Variants in PTN observed in about 807,000 individuals in gnomAD.
PTN encodes the protein pleiotrophin.
Under a neutral mutation model 24.1 loss-of-function variants are expected in PTN, and 18 were observed. The ratio of observed to expected loss-of-function variants is 0.75; its 90% CI spans 0.52 to 1.11. The LOEUF is 1.11. Ranked by LOEUF, PTN falls within the 50% of genes least tolerant of loss-of-function variation. PTN has a pLI of 0.00. For synonymous variants in PTN, 78 were observed against 68.6 expected (o/e 1.14, Z -0.67); for missense variants, 163 against 198.8 (o/e 0.82, Z 1.08).
chr7:137,341,772 A>G (rs942594782), intron 1 of PTN, among the ~76,000 whole-genome samples: 2 of 152,284 alleles, frequency 1.3e-5, no homozygotes, highest in Non-Finnish European at 1.5e-5. Flanking sequence ...CAGAAAAAAG[A>G]TCACCTTCTA....
At chr7:137,311,379 T>A (rs1809980318) in intron 1 of PTN, among the ~76,000 whole-genome samples, 1 of 152,228 alleles carries the variant, frequency 6.6e-6, no homozygotes, top group Admixed American at 6.5e-5. Context: ...ATTTTGCTTT[T>A]ATTCGTGTAT....
At position 137,253,480 on chromosome 7, in the gene PTN, C is replaced by T. The variant is rs1422513263; in HGVS notation, c.273G>A (p.Trp91Ter). The change falls in exon 3 of 5, where the codon TGG becomes TGA. Residue 91 changes from tryptophan to a stop codon, truncating the protein, a stop_gained. Coordinates refer to ENST00000348225, the MANE Select transcript of PTN (RefSeq NM_002825.7). LOFTEE classifies it high-confidence loss of function. ...GAGGCTTACCGCCAAATTGCTTCTT[C>T]CAGTTGCAGGGGATCTTACATCTCT... ...KTQRCKIPCN[W>*]KKQFGAECKY... The T allele has an allele frequency of 6.2e-7, 1 of 1,607,904 alleles. No homozygotes were observed. The highest frequency in any genetic ancestry group is 1.7e-5 in the Admixed American group (1 of 59,388).
At chr7:137,253,278 A>T (rs1428168207) in intron 3 of PTN, among the ~76,000 whole-genome samples, 186 bp downstream of exon 3, 1 of 152,190 alleles carries the variant, frequency 6.6e-6, no homozygotes, top group East Asian at 1.9e-4. Flanking sequence ...TAAATACCCT[A>T]AAATGCACAA....
At chr7:137,312,954 G>T (rs1253817168) in intron 1 of PTN, among the ~76,000 whole-genome samples, 2 of 152,058 alleles carry the variant, frequency 1.3e-5, no homozygotes, top group East Asian at 3.9e-4. Flanking sequence ...ATTTTATATG[G>T]TGATATTTAA....
chr7:137,275,303 G>T (rs1809343054), intron 1 of PTN, among the ~76,000 whole-genome samples: 1 of 152,200 alleles, frequency 6.6e-6, no homozygotes, highest in Non-Finnish European at 1.5e-5. Context: ...CCAGTGTGAA[G>T]TATATAGGTC....
At chr7:137,302,526 C>T (rs1809822821) in intron 1 of PTN, among the ~76,000 whole-genome samples, 1 of 151,846 alleles carries the variant, frequency 6.6e-6, no homozygotes, top group Non-Finnish European at 1.5e-5. Context: ...GGTTTATTAC[C>T]AACTTATACC....
At chr7:137,302,774 T>C (rs1056158328) in intron 1 of PTN, among the ~76,000 whole-genome samples, 37 of 151,920 alleles carry the variant, frequency 2.4e-4, no homozygotes, top group Admixed American at 6.6e-5. Context: ...TTTTCTTCTG[T>C]AGGGAGGTAA....
intron 1 of PTN, chr7:137,326,490 C>T (rs1585046120): frequency 6.6e-6 from 1 of 152,156 alleles, no homozygotes; most frequent in Admixed American, 6.5e-5. Flanking sequence ...CCTACTTACA[C>T]CAAGGCATCA....
At chr7:137,269,417 G>C (rs1809225460) in intron 1 of PTN, among the ~76,000 whole-genome samples, 1 of 151,926 alleles carries the variant, frequency 6.6e-6, no homozygotes, top group South Asian at 2.1e-4. Context: ...GGGCTGTTTT[G>C]GGTTCTCCCC....
chr7:137,263,672 T>C (rs879829332), intron 1 of PTN, among the ~76,000 whole-genome samples: 3 of 152,180 alleles, frequency 2.0e-5, no homozygotes, highest in Non-Finnish European at 4.4e-5. Context: ...TGAATTTTTT[T>C]ATAGCTATGC....
intron 1 of PTN, among the ~76,000 whole-genome samples, chr7:137,278,972 TAA>T (rs1809418809): frequency 6.9e-6 from 1 of 145,732 alleles, no homozygotes; most frequent in South Asian, 2.1e-4. Flanking sequence ...ATAATAATAA[TAA>T]TAATAATAAA....
intron 1 of PTN, among the ~76,000 whole-genome samples, chr7:137,333,967 G>A (rs1810403420): frequency 6.6e-6 from 1 of 152,116 alleles, no homozygotes; most frequent in South Asian, 2.1e-4. Flanking sequence ...AATAAATGGT[G>A]CTGGGAAAAC....
chr7:137,324,077 TAGA>T (rs1221723569), intron 1 of PTN, among the ~76,000 whole-genome samples: 3 of 152,258 alleles, frequency 2.0e-5, no homozygotes, highest in African/African-American at 4.8e-5. Flanking sequence ...GAGGCTGGTC[TAGA>T]ACATAGAATC....
In PTN at chr7:137,236,017, A is replaced by C. The variant is rs185842206; in HGVS notation, c.452-7942T>G. ...TCTCCTAAAAACAGAAAGTTTAGCT[A>C]TGAAAGCACTAGTGAATAAAGTAGA... On this transcript the variant is annotated intron_variant, in intron 4 of 4. Transcript: ENST00000348225. 6.9e-3 allele frequency: 4,077 copies of C among 592,482 alleles called. 19 individuals carry two copies. Among genetic ancestry groups the C allele is most frequent in the Non-Finnish European group, 8.9e-3 (2,960 of 332,670 alleles). 36.7% of individuals were successfully genotyped at this position (592,482 alleles called of 1,614,324 possible).
At chr7:137,242,346 G>C (rs944177999) in intron 4 of PTN, among the ~76,000 whole-genome samples, 4 of 152,176 alleles carry the variant, frequency 2.6e-5, no homozygotes, top group Non-Finnish European at 4.4e-5. Context: ...AAAGAATTGA[G>C]GTTATCGAGA....
chr7:137,258,893 G>A (rs764711442), intron 1 of PTN, among the ~76,000 whole-genome samples: 8 of 152,064 alleles, frequency 5.3e-5, no homozygotes, highest in Admixed American at 2.0e-4. Flanking sequence ...GATCAGGATC[G>A]TGGCATATTT....
intron 1 of PTN, among the ~76,000 whole-genome samples, chr7:137,316,778 G>A (rs987403723): frequency 8.5e-5 from 13 of 152,256 alleles, no homozygotes; most frequent in East Asian, 3.9e-4. Context: ...CAAATTAGCC[G>A]GCTGCCGGGT....
intron 4 of PTN, among the ~76,000 whole-genome samples, chr7:137,248,346 A>G (rs1041322885): frequency 6.6e-6 from 1 of 152,064 alleles, no homozygotes; most frequent in African/African-American, 2.4e-5. Flanking sequence ...GTCCCCTACA[A>G]AGATTTTATA....
chr7:137,296,044 G>A (rs1254810482), intron 1 of PTN, among the ~76,000 whole-genome samples: 1 of 151,962 alleles, frequency 6.6e-6, no homozygotes, highest in Non-Finnish European at 1.5e-5. Context: ...AGTTTAATTG[G>A]AAAATCTCAT....
Sources: gnomAD v4.1 joint callset for allele counts (sites outside exome capture counted in the v4.1 genomes callset) on GRCh38, gnomAD v4.1.1 for gene constraint, MANE v1.5 for transcripts, NCBI Gene and HGNC (gene_info 2026-07-23, HGNC 2026-07-21) for gene names.